Variants in LSM11 observed in about 807,000 individuals in gnomAD.
LSM11 encodes LSM11, U7 small nuclear RNA associated, also known as U7 snRNA-associated Sm-like protein LSm11.
LSM11 carries 14 observed loss-of-function variants against 28.1 expected under a neutral mutation model. The observed-to-expected ratio is 0.50, with a 90% CI of 0.33 to 0.78. LSM11 has a LOEUF of 0.78. Among genes scored for constraint, LSM11 ranks in the 30% least tolerant of loss-of-function variants. LSM11 has a pLI of 0.02. For synonymous variants in LSM11, 207 were observed against 214.2 expected, an observed-to-expected ratio of 0.97 and a Z score of 0.30; for missense variants, 495 against 510.6, an observed-to-expected ratio of 0.97 and a Z score of 0.30.
Position 157,758,593 on chromosome 5 carries a change from A to G in LSM11, c.*3329A>G, listed in dbSNP as rs1437158073. ...ATGATAGAGTCGGGGAACTCCCACT[A>G]GCTCACCTGAGGGGGGCTCGATGCA... On this transcript the variant is annotated 3_prime_UTR_variant, in exon 4 of 4. Transcript: ENST00000286307. The G allele has an allele frequency of 1.3e-5, 2 of 152,208 alleles. No homozygotes were observed. Among genetic ancestry groups the G allele is most frequent in the African/African-American group, 4.8e-5 (2 of 41,448 alleles). 9.4% of individuals were successfully genotyped at this position (152,208 alleles called of 1,614,324 possible).
Position 157,759,183 on chromosome 5 carries a change from T to A in LSM11, c.*3919T>A, listed in dbSNP as rs1251566236. 1 of 152,202 alleles carries A rather than the reference T, an allele frequency of 6.6e-6. No homozygotes were observed. Among genetic ancestry groups the A allele is most frequent in the African/African-American group, 2.4e-5 (1 of 41,448 alleles). 9.4% of individuals were successfully genotyped at this position (152,202 alleles called of 1,614,324 possible). A position where few individuals can be genotyped will look rare whatever the true frequency, so the allele number is the denominator to read the frequency against. Reference sequence around the variant, plus strand: ...TCTAGATGCATAGAGATCCTTGCTATGAGTTGTGGATAGGAGTGGCTCCAT... The same window carrying A: ...TCTAGATGCATAGAGATCCTTGCTAAGAGTTGTGGATAGGAGTGGCTCCAT... On this transcript the variant is annotated 3_prime_UTR_variant, in exon 4 of 4. Coordinates refer to ENST00000286307, the MANE Select transcript of LSM11 (RefSeq NM_173491.4).
At position 157,744,206 on chromosome 5, in the gene LSM11, C is replaced by G; in HGVS notation, c.448+8C>G. On this transcript the variant is annotated splice_region_variant and intron_variant, in intron 1 of 3. Transcript: ENST00000286307. ...TGCTCACGCGAATGCCCTGTGAGTC[C>G]GCGGGCCGGGCGGGAAGCGGGGCAG... The G allele has an allele frequency of 3.2e-6, 4 of 1,267,470 alleles. No individual in the cohort carries two copies. The highest frequency in any genetic ancestry group is 5.5e-5 in the South Asian group (2 of 36,600). The allele number at this position is 1,267,470 out of a possible 1,614,324, so 78.5% of individuals were successfully genotyped here.
chr5:157,752,942 C>G (rs1261936928), intron 2 of LSM11, among the ~76,000 whole-genome samples: 1 of 151,978 alleles, frequency 6.6e-6, no homozygotes, highest in Non-Finnish European at 1.5e-5. Context: ...GTGCTTTATC[C>G]CCATCCACGC....
rs1171535045 is a variant in LSM11 at position 157,743,928 on chromosome 5, G to C, written c.178G>C (p.Glu60Gln). 1.3e-6 allele frequency: 2 copies of C among 1,482,252 alleles called. No individual in the cohort carries two copies. Among genetic ancestry groups the C allele is most frequent in the Non-Finnish European group, 1.8e-6 (2 of 1,113,728 alleles). 91.8% of individuals were successfully genotyped at this position (1,482,252 alleles called of 1,614,324 possible). ...APCFNNVAEY[E>Q]SFLRTGVRGG... ...CTGCTTCAACAACGTGGCGGAGTAC[G>C]AGAGCTTCCTCAGGACCGGAGTCCG... Residue 60 changes from glutamate to glutamine, a missense_variant, in exon 1 of 4, where the codon GAG (glutamate) becomes CAG (glutamine). Coordinates refer to ENST00000286307, the MANE Select transcript of LSM11 (RefSeq NM_173491.4).
Position 157,754,705 on chromosome 5 carries a change from A to C in LSM11, c.673-149A>C, listed in dbSNP as rs1761294790. ...AGACTCCGTCTCCAAAAAAAAAAAA[A>C]AAAAAAAAGATTTATTACTAACTTT... is the stretch of plus-strand genomic sequence containing the variant. On this transcript the variant is annotated intron_variant, in intron 3 of 3. Transcript: ENST00000286307. 4.3e-6 allele frequency: 3 copies of C among 693,726 alleles called. No individual in the cohort carries two copies. The South Asian group carries it at 6.7e-5, about 16-fold the overall frequency. The allele number at this position is 693,726 out of a possible 1,614,324, so 43.0% of individuals were successfully genotyped here. A position where few individuals can be genotyped will look rare whatever the true frequency, so the allele number is the denominator to read the frequency against.
intron 1 of LSM11, among the ~76,000 whole-genome samples, chr5:157,748,888 A>G (rs185211269): frequency 1.3e-5 from 2 of 152,344 alleles, no homozygotes; most frequent in African/African-American, 4.8e-5. Context: ...AAGATAAGGC[A>G]TATGCTTTTT....
chr5:157,744,254 C>G (rs1487363176), intron 1 of LSM11, 56 bp downstream of exon 1: 7 of 1,198,848 alleles, frequency 5.8e-6, no homozygotes, highest in Non-Finnish European at 6.3e-6. Flanking sequence ...AGCTGGCTGC[C>G]GAGGGGGCGT....
In LSM11 at chr5:157,759,698, T is replaced by C. The variant is rs1761381266; in HGVS notation, c.*4434T>C. On this transcript the variant is annotated 3_prime_UTR_variant, in exon 4 of 4. Coordinates refer to ENST00000286307, the MANE Select transcript of LSM11 (RefSeq NM_173491.4). ...GTCAACCCTTTTTCAGTAACTTATG[T>C]TCACCAGTCTGTGCTTTTCTTCTCC... 6.6e-6 allele frequency: 1 copy of C among 152,238 alleles called. No homozygotes were observed. Among genetic ancestry groups the C allele is most frequent in the African/African-American group, 2.4e-5 (1 of 41,458 alleles). The allele number at this position is 152,238 out of a possible 1,614,324, so 9.4% of individuals were successfully genotyped here. A position where few individuals can be genotyped will look rare whatever the true frequency, so the allele number is the denominator to read the frequency against.
At chr5:157,747,993 CTGTGTGTGTGTG>C (rs5872520) in intron 1 of LSM11, among the ~76,000 whole-genome samples, 68 of 148,738 alleles carry the variant, frequency 4.6e-4, no homozygotes, top group African/African-American at 1.5e-3. Context: ...CACCACACTG[CTGTGTGTGTGTG>C]TGTGTGTGTG....
At chr5:157,752,843 CAAAAAAAAAA>C (rs553164268) in intron 2 of LSM11, among the ~76,000 whole-genome samples, 3 of 103,308 alleles carry the variant, frequency 2.9e-5, no homozygotes, top group Non-Finnish European at 6.0e-5. Flanking sequence ...GAGACTCTGT[CAAAAAAAAAA>C]AAAAAAAAAA....
At chr5:157,746,933 A>G (rs1403243375) in intron 1 of LSM11, among the ~76,000 whole-genome samples, 2 of 152,182 alleles carry the variant, frequency 1.3e-5, no homozygotes, top group Non-Finnish European at 2.9e-5. Context: ...ATAAAAGTAT[A>G]GGAGGCTGTT....
intron 1 of LSM11, among the ~76,000 whole-genome samples, chr5:157,750,940 C>T (rs747051940): frequency 1.1e-4 from 16 of 152,026 alleles, no homozygotes; most frequent in African/African-American, 2.2e-4. Flanking sequence ...GGCCACCATG[C>T]CTGGCTAATT....
rs766239028 is a variant in LSM11 at position 157,755,240 on chromosome 5, C to T, written c.1059C>T (p.Val353=). The part of the protein sequence containing the change: ...INQIFIRGEN[V]LLVHLAQ ...AGATTTTCATTCGAGGCGAGAATGT[C>T]CTGCTGGTTCATCTTGCACAGTGAC... Residue 353 remains valine (V), a synonymous_variant, in exon 4 of 4, where the codon GTC becomes GTT. Transcript: ENST00000286307. 3 of 1,613,992 alleles carry T rather than the reference C, an allele frequency of 1.9e-6. No individual in the cohort carries two copies. Among genetic ancestry groups the T allele is most frequent in the Non-Finnish European group, 1.7e-6 (2 of 1,179,928 alleles).
chr5:157,749,013 G>A (rs76057441), intron 1 of LSM11, among the ~76,000 whole-genome samples: 2,131 of 152,246 alleles, frequency 0.014, 57 homozygotes, highest in African/African-American at 0.047. Context: ...TTGCCTTGGC[G>A]GTTTGCTCTG....
At chr5:157,744,233 C>T (rs910215609) in intron 1 of LSM11, 35 bp downstream of exon 1, 1 of 1,243,108 alleles carries the variant, frequency 8.0e-7, no homozygotes, top group Non-Finnish European at 1.0e-6. Context: ...GCGGGGCAGC[C>T]GCCGTCCGGA....
intron 1 of LSM11, among the ~76,000 whole-genome samples, chr5:157,744,859 A>G (rs1227100157): frequency 2.0e-5 from 3 of 152,214 alleles, no homozygotes; most frequent in Non-Finnish European, 4.4e-5. Flanking sequence ...CTTGATACAC[A>G]TATGTTCACA....
chr5:157,747,120 C>G (rs147477682), intron 1 of LSM11, among the ~76,000 whole-genome samples: 40 of 152,220 alleles, frequency 2.6e-4, no homozygotes, highest in African/African-American at 8.4e-4. Context: ...GATGGTAAGA[C>G]AAGACTAAAG....
chr5:157,746,579 T>A (rs1163398086), intron 1 of LSM11, among the ~76,000 whole-genome samples: 1 of 152,250 alleles, frequency 6.6e-6, no homozygotes, highest in Non-Finnish European at 1.5e-5. Context: ...TTGAATTCCC[T>A]TGTGGAGCAG....
At chr5:157,746,218 T>C (rs1051061607) in intron 1 of LSM11, among the ~76,000 whole-genome samples, 2 of 152,254 alleles carry the variant, frequency 1.3e-5, no homozygotes, top group African/African-American at 4.8e-5. Flanking sequence ...AAGATAATAC[T>C]ATTTGTGGAC....
Sources: allele counts gnomAD v4.1 joint callset (sites outside exome capture counted in the v4.1 genomes callset), GRCh38; gene constraint gnomAD v4.1.1; transcripts MANE v1.5; gene names NCBI Gene and HGNC (gene_info 2026-07-23, HGNC 2026-07-21).